The following DCBLD1 variants were observed in gnomAD, a reference collection of about 807,000 sequenced individuals.
DCBLD1 encodes the protein discoidin, CUB and LCCL domain containing 1.
A neutral mutation model predicts 71.5 loss-of-function variants in DCBLD1; 57 were observed. The observed-to-expected ratio is 0.80, with a 90% CI of 0.64 to 0.99. The LOEUF (loss-of-function observed/expected upper bound fraction) is 0.99, where lower values mean the gene tolerates loss of function less well. Among genes scored for constraint, DCBLD1 ranks in the 50% least tolerant of loss-of-function variants. The pLI is 0.00. For missense variants in DCBLD1, 891 were observed against 923.5 expected (o/e 0.96, Z 0.46); for synonymous variants, 380 against 363.8 (o/e 1.04, Z -0.51).
At chr6:117,484,280 C>A (rs1777007875) in intron 1 of DCBLD1, among the ~76,000 whole-genome samples, 3 of 152,208 alleles carry the variant, frequency 2.0e-5, no homozygotes, top group South Asian at 4.1e-4. Context: ...AGGCTGTTAA[C>A]TGGGCACTTT....
chr6:117,528,027 G>A (rs2114511466), intron 5 of DCBLD1, among the ~76,000 whole-genome samples: 1 of 152,188 alleles, frequency 6.6e-6, no homozygotes, highest in South Asian at 2.1e-4. Context: ...TAATTAATTT[G>A]TTTCAGCAAT....
downstream of DCBLD1, among the ~76,000 whole-genome samples, chr6:117,553,916 G>A (rs1023071150): frequency 5.9e-5 from 9 of 152,196 alleles, no homozygotes; most frequent in Non-Finnish European, 1.3e-4. Flanking sequence ...GACCAAGAAG[G>A]ACTTACTTTC....
At chr6:117,538,563 T>G in intron 7 of DCBLD1, 57 bp from the exon 8 acceptor site, 1 of 1,538,752 alleles carries the variant, frequency 6.5e-7, no homozygotes, top group South Asian at 1.2e-5. Flanking sequence ...TACTACTTTT[T>G]TTTTTGCTGT....
chr6:117,483,031 T>C (rs1384679170), intron 1 of DCBLD1, 138 bp downstream of exon 1: 1 of 959,784 alleles, frequency 1.0e-6, no homozygotes, highest in African/African-American at 1.8e-5. Flanking sequence ...GAAGTCGGGC[T>C]CGCCGCCTGC....
At chr6:117,529,990 T>TA (rs1182785185) in intron 5 of DCBLD1, among the ~76,000 whole-genome samples, 13 of 152,212 alleles carry the variant, frequency 8.5e-5, no homozygotes, top group African/African-American at 2.9e-4. Flanking sequence ...CCTGTCATCT[T>TA]ACAGCCAAGG....
chr6:117,545,079 G>A (rs573732220), intron 13 of DCBLD1, among the ~76,000 whole-genome samples: 2 of 151,476 alleles, frequency 1.3e-5, no homozygotes, highest in South Asian at 4.2e-4. Flanking sequence ...AGAGAGAGAG[G>A]GCAGTGGGGC....
chr6:117,533,785 G>T (rs1394607769), intron 6 of DCBLD1, among the ~76,000 whole-genome samples: 4 of 152,198 alleles, frequency 2.6e-5, no homozygotes, highest in Non-Finnish European at 4.4e-5. Flanking sequence ...ATGTTAGAGA[G>T]GGGTGGTGGT....
At chr6:117,529,668 G>T (rs373151312) in intron 5 of DCBLD1, among the ~76,000 whole-genome samples, 1 of 152,198 alleles carries the variant, frequency 6.6e-6, no homozygotes, top group East Asian at 1.9e-4. Flanking sequence ...TTGGATGGAT[G>T]AGGGAGTGAC....
At chr6:117,486,146 T>A (rs1241715877) in intron 1 of DCBLD1, among the ~76,000 whole-genome samples, 1 of 152,220 alleles carries the variant, frequency 6.6e-6, no homozygotes, top group African/African-American at 2.4e-5. Flanking sequence ...AAAATCATTT[T>A]AAAAAACCAC....
chr6:117,539,510 A>G lies in DCBLD1; in HGVS notation c.1101+131A>G, dbSNP rs935102100. On this transcript the variant is annotated intron_variant, in intron 9 of 14. Transcript: ENST00000338728. ...GCCAAGCATGGTGGTTCATGCCTGT[A>G]ATCCCCAAGCTTTGGGAAGCCAAGG... The G allele has an allele frequency of 2.8e-5, 30 of 1,083,484 alleles. 1 individual carries two copies. The highest frequency in any genetic ancestry group is 3.7e-5 in the Non-Finnish European group (29 of 793,182). 67.1% of individuals were successfully genotyped at this position (1,083,484 alleles called of 1,614,324 possible).
exon 15 of DCBLD1, chr6:117,569,744 C>A (rs764755810): frequency 7.7e-6 from 12 of 1,568,602 alleles, no homozygotes; most frequent in African/African-American, 5.5e-5. Context: ...ACCCTAACAA[C>A]AACAAAGGGC....
At chr6:117,553,845 G>C (rs1433661330), downstream of DCBLD1, among the ~76,000 whole-genome samples, 3 of 152,090 alleles carry the variant, frequency 2.0e-5, no homozygotes, top group Non-Finnish European at 4.4e-5. Context: ...GTATGGCCTA[G>C]TGGTAAAAAG....
At chr6:117,527,951 T>C (rs1562451319) in intron 5 of DCBLD1, among the ~76,000 whole-genome samples, 1 of 152,218 alleles carries the variant, frequency 6.6e-6, no homozygotes, top group Non-Finnish European at 1.5e-5. Flanking sequence ...CAGAACAGTT[T>C]TTCTCTTGGC....
intron 14 of DCBLD1, among the ~76,000 whole-genome samples, chr6:117,566,519 A>G (rs1779700708): frequency 6.6e-6 from 1 of 152,190 alleles, no homozygotes; most frequent in African/African-American, 2.4e-5. Flanking sequence ...GCATCAAGAC[A>G]GACAGACAAT....
chr6:117,560,771 CATTTT>C (rs1779569849), intron 14 of DCBLD1: 1 of 209,500 alleles, frequency 4.8e-6, no homozygotes, highest in African/African-American at 2.3e-5. Context: ...ACAACCCTCA[CATTTT>C]ATTAAAACGT....
intron 1 of DCBLD1, among the ~76,000 whole-genome samples, chr6:117,489,660 G>A (rs1039441548): frequency 5.4e-4 from 82 of 152,256 alleles, no homozygotes; most frequent in Non-Finnish European, 4.9e-4. Flanking sequence ...CGAGGCGGGT[G>A]GATCACAAGG....
At chr6:117,536,936 CT>C (rs1778901954) in intron 6 of DCBLD1, among the ~76,000 whole-genome samples, 1 of 152,176 alleles carries the variant, frequency 6.6e-6, no homozygotes, top group Non-Finnish European at 1.5e-5. Flanking sequence ...TCTCAGAGTC[CT>C]AGCCCCTTTC....
At chr6:117,497,343 T>C (rs1777505624) in intron 1 of DCBLD1, among the ~76,000 whole-genome samples, 1 of 152,244 alleles carries the variant, frequency 6.6e-6, no homozygotes, top group Non-Finnish European at 1.5e-5. Flanking sequence ...GTATATCTTA[T>C]TTTGCTTTTC....
chr6:117,559,915 G>T lies in DCBLD1; in HGVS notation c.1616-9705G>T, dbSNP rs59640517. The stretch of plus-strand genomic sequence containing the variant: ...AAATCAACACACGGAAAGCATATAT[G>T]TATTAGCACTAAATCAAGGTTAGTC... On this transcript the variant is annotated intron_variant, in intron 14 of 14. Coordinates refer to the DCBLD1 transcript ENST00000296955. Among the ~76,000 whole-genome samples, 474 of 152,248 alleles carry T rather than the reference G, an allele frequency of 3.1e-3. 1 individual carries two copies. Among genetic ancestry groups the T allele is most frequent in the African/African-American group, 0.011 (453 of 41,544 alleles).
Sources: gnomAD v4.1 joint callset for allele counts (sites outside exome capture counted in the v4.1 genomes callset) on GRCh38, gnomAD v4.1.1 for gene constraint, MANE v1.5 for transcripts, NCBI Gene and HGNC (gene_info 2026-07-23, HGNC 2026-07-21) for gene names.